The following SLC12A1 variants were observed in gnomAD, a reference collection of about 807,000 sequenced individuals.
SLC12A1 encodes the protein Na-K-2Cl cotransporter.
In SLC12A1, 89 loss-of-function variants were observed where a neutral mutation model predicts 130.4. That is an observed-to-expected ratio of 0.68 (90% confidence interval 0.58 to 0.81). SLC12A1 has a LOEUF of 0.81. Among genes scored for constraint, SLC12A1 ranks in the 40% least tolerant of loss-of-function variants. The pLI is 0.00. For missense variants in SLC12A1, 1,310 were observed against 1,336.4 expected, an observed-to-expected ratio of 0.98 and a Z score of 0.31; for synonymous variants, 499 against 460.0, an observed-to-expected ratio of 1.08 and a Z score of -1.09.
intron 19 of SLC12A1, among the ~76,000 whole-genome samples, chr15:48,273,718 C>T (rs916422341): frequency 1.3e-5 from 2 of 152,040 alleles, no homozygotes; most frequent in Non-Finnish European, 2.9e-5. Context: ...CTTATGTATA[C>T]CAAATGAAAA....
At chr15:48,284,280 T>C (rs1190488059) in intron 20 of SLC12A1, among the ~76,000 whole-genome samples, 1 of 152,268 alleles carries the variant, frequency 6.6e-6, no homozygotes, top group African/African-American at 2.4e-5. Context: ...CCAGAGCCTA[T>C]AGAGTTTATT....
rs2041846757 is a variant in SLC12A1 at position 48,267,642 on chromosome 15, G to T, written c.2236G>T (p.Ala746Ser). The T allele has an allele frequency of 1.2e-6, 2 of 1,613,604 alleles. No individual in the cohort carries two copies. Among genetic ancestry groups the T allele is most frequent in the Non-Finnish European group, 8.5e-7 (1 of 1,179,618 alleles). The change falls in exon 18 of 27, where the codon GCT (alanine) becomes TCT (serine). Residue 746 changes from alanine to serine, a missense_variant. Physicochemically the swap from Ala to Ser is moderately conservative, Grantham distance 99. Coordinates refer to ENST00000380993, the MANE Select transcript of SLC12A1 (RefSeq NM_000338.3). Reference protein sequence around the residue: ...QAWLIKNKIKAFYAAVAADCF... With the variant: ...QAWLIKNKIKSFYAAVAADCF... ...CTGGCTTATAAAGAACAAAATCAAGGCTTTTTATGCTGCAGTGGCGGCAGA... is the reference window on the plus strand; with the variant it reads ...CTGGCTTATAAAGAACAAAATCAAGTCTTTTTATGCTGCAGTGGCGGCAGA...
At position 48,208,071 on chromosome 15, in the gene SLC12A1, A is replaced by G; in HGVS notation, c.352A>G (p.Thr118Ala). The change falls in exon 2 of 27, where the codon ACC becomes GCC. Residue 118 changes from threonine (T) to alanine (A), a missense_variant. Coordinates refer to ENST00000380993, the MANE Select transcript of SLC12A1 (RefSeq NM_000338.3). ...TCCCAAGATAGAGTACTATCGTAAC[A>G]CCGGCAGCATCAGTGGGCCCAAGGT... The part of the protein sequence containing the change: ...AVPKIEYYRN[T>A]GSISGPKVNR... 1 of 1,613,278 alleles carries G rather than the reference A, an allele frequency of 6.2e-7. No individual in the cohort carries two copies. The highest frequency in any genetic ancestry group is 8.5e-7 in the Non-Finnish European group (1 of 1,179,516).
chr15:48,284,804 T>A (rs1053401343), intron 20 of SLC12A1, among the ~76,000 whole-genome samples: 1 of 152,106 alleles, frequency 6.6e-6, no homozygotes, highest in African/African-American at 2.4e-5. Flanking sequence ...CTGATTTTTG[T>A]ATCGTTCATA....
intron 15 of SLC12A1, among the ~76,000 whole-genome samples, chr15:48,254,660 G>T (rs909523637): frequency 7.4e-6 from 1 of 135,304 alleles, no homozygotes; most frequent in Non-Finnish European, 1.6e-5. Context: ...GGTGGCTCAC[G>T]CCTGTAATCC....
Position 48,244,769 on chromosome 15 carries a change from A to G in SLC12A1, c.1317A>G (p.Arg439=), listed in dbSNP as rs1258315457. 7 of 1,613,874 alleles carry G rather than the reference A, an allele frequency of 4.3e-6. No homozygotes were observed. Among genetic ancestry groups the G allele is most frequent in the Non-Finnish European group, 5.9e-6 (7 of 1,179,888 alleles). Residue 439 remains arginine (R), a synonymous_variant, in exon 11 of 27, where the codon CGA becomes CGG. Coordinates refer to ENST00000380993, the MANE Select transcript of SLC12A1 (RefSeq NM_000338.3). The part of the protein sequence containing the change: ...VAICVGACVV[R]DATGNMNDTI... ...TTTCCACAGGGGCCTGTGTGGTCCG[A>G]GATGCCACCGGGAACATGAATGACA...
At chr15:48,289,063 A>G (rs2042089949) in intron 23 of SLC12A1, among the ~76,000 whole-genome samples, 1 of 151,526 alleles carries the variant, frequency 6.6e-6, no homozygotes, top group Admixed American at 6.6e-5. Flanking sequence ...AGTTTGAAAG[A>G]GTTTAAAGGG....
At chr15:48,297,388 A>G (rs530170977) in intron 24 of SLC12A1, among the ~76,000 whole-genome samples, 1 of 152,296 alleles carries the variant, frequency 6.6e-6, no homozygotes, top group South Asian at 2.1e-4. Context: ...CACCTGGCCA[A>G]TTACTCTGGA....
chr15:48,247,314 T>C, intron 12 of SLC12A1, 23 bp from the exon 13 acceptor site: 1 of 1,594,112 alleles, frequency 6.3e-7, no homozygotes, highest in Non-Finnish European at 8.5e-7. Context: ...AAATGACAAA[T>C]TTCTTCTCTT....
chr15:48,232,641 C>A, intron 7 of SLC12A1, 86 bp from the exon 8 acceptor site: 1 of 830,852 alleles, frequency 1.2e-6, no homozygotes, highest in Non-Finnish European at 2.1e-6. Flanking sequence ...TAGAGTCTTT[C>A]TGCAGTGGAC....
chr15:48,243,354 T>C lies in SLC12A1; in HGVS notation c.1301-1399T>C, dbSNP rs1210915028. On this transcript the variant is annotated intron_variant, in intron 10 of 26. Transcript: ENST00000380993. ...GCACTGATTATTTAAAATGGCTCTT[T>C]CAGATAAAAGAGTCTATAATTGGCC... Among the ~76,000 whole-genome samples the C allele has an allele frequency of 2.0e-5, 3 of 152,018 alleles. No individual in the cohort carries two copies. The East Asian group carries it at 5.8e-4, about 29-fold the overall frequency.
chr15:48,211,665 C>G (rs908469023), intron 2 of SLC12A1, among the ~76,000 whole-genome samples: 3 of 152,192 alleles, frequency 2.0e-5, no homozygotes, highest in Non-Finnish European at 4.4e-5. Context: ...AGCAATAGCA[C>G]ATTCATACCG....
At chr15:48,241,143 A>G (rs150766270) in intron 9 of SLC12A1, among the ~76,000 whole-genome samples, 1 of 152,322 alleles carries the variant, frequency 6.6e-6, no homozygotes, top group Non-Finnish European at 1.5e-5. Context: ...CACATGCCAG[A>G]TATGTTTGTA....
chr15:48,206,723 A>G (rs74767566), intron 1 of SLC12A1, among the ~76,000 whole-genome samples: 1,636 of 152,310 alleles, frequency 0.011, 36 homozygotes, highest in African/African-American at 0.038. Flanking sequence ...AGTCAAATAT[A>G]AACCTCTCAA....
chr15:48,285,249 G>C lies in SLC12A1; in HGVS notation c.2629G>C (p.Asp877His). The change falls in exon 21 of 27, where the codon GAT (aspartate) becomes CAT (histidine). Residue 877 changes from aspartate to histidine, a missense_variant and splice_region_variant. By Grantham distance (81) the Asp-to-His change is moderately conservative. Coordinates refer to ENST00000380993, the MANE Select transcript of SLC12A1 (RefSeq NM_000338.3). ...CATTACTAAGACAACGCCTAAAAAA[G>C]GTAAGAACTTTTTAAAATTTGCAAA... Reference protein sequence around the residue: ...LNITKTTPKKDGSINTSQSMH... With the variant: ...LNITKTTPKKHGSINTSQSMH... 1 of 1,612,958 alleles carries C rather than the reference G, an allele frequency of 6.2e-7. No individual in the cohort carries two copies. The highest frequency in any genetic ancestry group is 8.5e-7 in the Non-Finnish European group (1 of 1,179,594).
chr15:48,267,838 G>T, intron 18 of SLC12A1, 137 bp downstream of exon 18: 1 of 869,794 alleles, frequency 1.1e-6, no homozygotes, highest in Non-Finnish European at 1.8e-6. Context: ...GGATTATTTT[G>T]AATTCCTGGG....
intron 13 of SLC12A1, among the ~76,000 whole-genome samples, 152 bp downstream of exon 13, chr15:48,247,612 T>C (rs929835156): frequency 6.6e-6 from 1 of 152,238 alleles, no homozygotes; most frequent in Non-Finnish European, 1.5e-5. Flanking sequence ...AATCCTTGTG[T>C]GTAGAGGGCC....
chr15:48,284,868 C>T (rs1195970334), intron 20 of SLC12A1, among the ~76,000 whole-genome samples: 3 of 152,082 alleles, frequency 2.0e-5, no homozygotes, highest in Admixed American at 6.6e-5. Context: ...TGGGCTCAAA[C>T]GATACACCCA....
intron 2 of SLC12A1, among the ~76,000 whole-genome samples, chr15:48,216,555 GTC>G (rs1440505978): frequency 6.6e-6 from 1 of 152,110 alleles, no homozygotes; most frequent in Non-Finnish European, 1.5e-5. Flanking sequence ...CTAAGGCTGT[GTC>G]TCTTGGGATC....
Sources: allele counts gnomAD v4.1 joint callset (sites outside exome capture counted in the v4.1 genomes callset), GRCh38; gene constraint gnomAD v4.1.1; transcripts MANE v1.5; gene names NCBI Gene and HGNC (gene_info 2026-07-23, HGNC 2026-07-21).